Variants in CACNA2D1 observed in about 807,000 individuals in gnomAD.
CACNA2D1 encodes the protein voltage-dependent calcium channel subunit alpha-2/delta-1.
A neutral mutation model predicts 171.5 loss-of-function variants in CACNA2D1; 53 were observed. The observed-to-expected ratio is 0.31, with a 90% confidence interval of 0.25 to 0.39. The LOEUF (loss-of-function observed/expected upper bound fraction) is 0.39, where lower values mean the gene tolerates loss of function less well. CACNA2D1 is among the 10% of genes least tolerant of loss of function. The pLI is 1.00. For missense variants in CACNA2D1, 903 were observed against 1,299.8 expected, an observed-to-expected ratio of 0.69 and a Z score of 4.69; for synonymous variants, 442 against 443.1, an observed-to-expected ratio of 1.00 and a Z score of 0.03.
chr7:82,048,891 A>C (rs1028610927), intron 10 of CACNA2D1, among the ~76,000 whole-genome samples: 7 of 152,084 alleles, frequency 4.6e-5, no homozygotes, highest in Admixed American at 4.6e-4. Flanking sequence ...CAAATAAGTC[A>C]ATAACTTTTA....
intron 3 of CACNA2D1, among the ~76,000 whole-genome samples, chr7:82,267,217 C>T (rs1222906519): frequency 6.6e-6 from 1 of 152,070 alleles, no homozygotes; most frequent in Non-Finnish European, 1.5e-5. Flanking sequence ...GTGAAAAAGG[C>T]TATACTATGG....
chr7:82,342,363 A>T (rs1818779408), intron 2 of CACNA2D1, among the ~76,000 whole-genome samples: 1 of 152,238 alleles, frequency 6.6e-6, no homozygotes, highest in African/African-American at 2.4e-5. Flanking sequence ...CGCATAGCAC[A>T]GTGCCTGGCA....
At chr7:82,200,368 T>A (rs1244329187) in intron 3 of CACNA2D1, among the ~76,000 whole-genome samples, 1 of 152,088 alleles carries the variant, frequency 6.6e-6, no homozygotes, top group Non-Finnish European at 1.5e-5. Flanking sequence ...GTGAATAAAA[T>A]AATGAGATCT....
intron 1 of CACNA2D1, among the ~76,000 whole-genome samples, chr7:82,430,917 A>T (rs1175333894): frequency 6.6e-6 from 1 of 152,166 alleles, no homozygotes; most frequent in Non-Finnish European, 1.5e-5. Flanking sequence ...CAATGAGAGG[A>T]TATTGGTGGT....
rs1362755304 is a variant in CACNA2D1, at chr7:82,060,208, TATA to T, written c.879+217_879+219del. Reference sequence around the variant, plus strand: ...ATATATATTATATATATATTATATATATAATATATATATAATATATATATATAA... The same window carrying T: ...ATATATATTATATATATATTATATATATATATATATAATATATATATATAA... On this transcript the variant is annotated intron_variant, in intron 10 of 38. Transcript: ENST00000356860. Among the ~76,000 whole-genome samples the T allele has an allele frequency of 3.7e-4, 12 of 32,684 alleles. 2 individuals carry two copies. Among genetic ancestry groups the T allele is most frequent in the African/African-American group, 1.4e-3 (12 of 8,854 alleles). 21.4% of individuals were successfully genotyped at this position (32,684 alleles called of 152,430 possible). A position where few individuals can be genotyped will look rare whatever the true frequency, so the allele number is the denominator to read the frequency against.
chr7:82,322,125 CAAAAAAAAAAA>C (rs71093373), intron 3 of CACNA2D1, among the ~76,000 whole-genome samples: 49 of 43,638 alleles, frequency 1.1e-3, no homozygotes, highest in Admixed American at 3.5e-3. Context: ...GACTCCGTCT[CAAAAAAAAAAA>C]AAAAAAAAAA....
At chr7:82,153,381 G>T (rs10224570) in intron 4 of CACNA2D1, among the ~76,000 whole-genome samples, 91,464 of 151,420 alleles carry the variant, frequency 0.6, 28,228 homozygotes, top group East Asian at 0.75. Context: ...GATTATATAT[G>T]ATTAATAAAA....
chr7:82,099,569 C>T (rs1418945366), intron 6 of CACNA2D1, among the ~76,000 whole-genome samples: 1 of 105,338 alleles, frequency 9.5e-6, no homozygotes, highest in African/African-American at 3.3e-5. Context: ...CCTGCCTCAG[C>T]CTCCCAAGTA....
intron 4 of CACNA2D1, among the ~76,000 whole-genome samples, chr7:82,160,002 T>C (rs766800116): frequency 5.2e-4 from 79 of 150,644 alleles, no homozygotes; most frequent in Non-Finnish European, 1.1e-3. Flanking sequence ...CACCAAACAA[T>C]CAAAAATAAG....
intron 1 of CACNA2D1, among the ~76,000 whole-genome samples, chr7:82,425,531 T>A (rs1401423946): frequency 1.3e-5 from 2 of 148,534 alleles, no homozygotes; most frequent in Admixed American, 6.8e-5. Flanking sequence ...ATTTTAAACA[T>A]GAGATTCAAT....
chr7:82,196,719 T>A (rs3819439), intron 3 of CACNA2D1, among the ~76,000 whole-genome samples: 1 of 151,526 alleles, frequency 6.6e-6, no homozygotes, highest in Non-Finnish European at 1.5e-5. Context: ...CAAAATAGAC[T>A]CCGATTTATA....
chr7:82,036,937 G>A lies in CACNA2D1; in HGVS notation c.1038+1140C>T, dbSNP rs190556373. ...ATACCACCCAGCAACCTACACCTGC[G>A]TGTGGTTTGCTACATGCCAGGTTCC... On this transcript the variant is annotated intron_variant, in intron 11 of 38. Coordinates refer to ENST00000356860, the MANE Select transcript of CACNA2D1 (RefSeq NM_000722.4). Among the ~76,000 whole-genome samples the A allele has an allele frequency of 3.9e-5, 6 of 152,224 alleles. No homozygotes were observed. The East Asian group carries it at 5.8e-4, about 15-fold the overall frequency.
At chr7:82,292,850 G>A (rs987763674) in intron 3 of CACNA2D1, among the ~76,000 whole-genome samples, 1 of 151,702 alleles carries the variant, frequency 6.6e-6, no homozygotes, top group Non-Finnish European at 1.5e-5. Context: ...GAATATATGA[G>A]TAAGCATTCT....
At position 82,296,956 on chromosome 7, in the gene CACNA2D1, G is replaced by A. The variant is rs550602388; in HGVS notation, c.294+38179C>T. Among the ~76,000 whole-genome samples, 9 of 151,366 alleles carry A rather than the reference G, an allele frequency of 5.9e-5. No homozygotes were observed. In the South Asian group the frequency reaches 8.4e-4, roughly 14 times the overall value. ...CTCATTAGTAAAAACTCATATTGGC[G>A]GGGAGTGGTGGCTTATGCCTGTAAT... On this transcript the variant is annotated intron_variant, in intron 3 of 38. Transcript: ENST00000356860.
At chr7:82,152,044 A>C (rs1389201391) in intron 4 of CACNA2D1, among the ~76,000 whole-genome samples, 1 of 152,046 alleles carries the variant, frequency 6.6e-6, no homozygotes, top group Admixed American at 6.6e-5. Context: ...GTGAACTGAA[A>C]GCAGATCAAG....
intron 3 of CACNA2D1, among the ~76,000 whole-genome samples, chr7:82,314,378 A>G (rs116095278): frequency 0.017 from 2,657 of 152,296 alleles, 77 homozygotes; most frequent in African/African-American, 0.061. Context: ...ATCGAATGTG[A>G]GAGAGCCAGA....
intron 9 of CACNA2D1, among the ~76,000 whole-genome samples, chr7:82,060,944 TATG>T (rs1314767644): frequency 6.6e-6 from 1 of 152,176 alleles, no homozygotes; most frequent in African/African-American, 2.4e-5. Context: ...ACATAACAAT[TATG>T]ATAACAGATT....
intron 20 of CACNA2D1, 56 bp from the exon 21 acceptor site, chr7:81,991,302 GA>G: frequency 1.2e-6 from 1 of 865,170 alleles, no homozygotes; most frequent in Non-Finnish European, 2.0e-6. Flanking sequence ...GAATATATAC[GA>G]AAAGTAAAGC....
intron 21 of CACNA2D1, among the ~76,000 whole-genome samples, chr7:81,986,995 A>G (rs533251306): frequency 6.6e-6 from 1 of 152,300 alleles, no homozygotes; most frequent in South Asian, 2.1e-4. Flanking sequence ...ACATTATATC[A>G]TACAACTGCT....
Sources: allele counts gnomAD v4.1 joint callset (sites outside exome capture counted in the v4.1 genomes callset), GRCh38; gene constraint gnomAD v4.1.1; transcripts MANE v1.5; gene names NCBI Gene and HGNC (gene_info 2026-07-23, HGNC 2026-07-21).